Variants in RUNX1 observed in about 807,000 individuals in gnomAD.
The protein encoded by RUNX1 is runt-related transcription factor 1.
RUNX1 carries 19 observed loss-of-function variants against 42.8 expected under a neutral mutation model. The observed-to-expected ratio is 0.44, with a 90% CI of 0.31 to 0.65. The LOEUF is 0.65. Ranked by LOEUF, RUNX1 falls within the 30% of genes least tolerant of loss-of-function variation. The pLI, the probability that RUNX1 is intolerant of heterozygous loss-of-function variation, is 0.07. For missense variants in RUNX1, 528 were observed against 672.0 expected (o/e 0.79, Z 2.37); for synonymous variants, 271 against 289.4 (o/e 0.94, Z 0.64).
At chr21:34,889,338 G>C (rs1049683600) in intron 3 of RUNX1, among the ~76,000 whole-genome samples, 10 of 152,136 alleles carry the variant, frequency 6.6e-5, no homozygotes, top group Admixed American at 3.3e-4. Context: ...GCGTCCGCGC[G>C]TGCCGTTTGC....
intron 2 of RUNX1, among the ~76,000 whole-genome samples, chr21:35,017,938 A>G (rs1203217010): frequency 6.6e-6 from 1 of 152,236 alleles, no homozygotes; most frequent in Non-Finnish European, 1.5e-5. Flanking sequence ...CACCCCAGAT[A>G]TTAAATCAAT....
intron 2 of RUNX1, among the ~76,000 whole-genome samples, chr21:34,985,083 T>A (rs1433299847): frequency 1.3e-5 from 2 of 152,216 alleles, no homozygotes; most frequent in Non-Finnish European, 2.9e-5. Flanking sequence ...GTGATTCCAA[T>A]AATACTTAGA....
chr21:34,939,544 A>T (rs1455548346), intron 2 of RUNX1, among the ~76,000 whole-genome samples: 1 of 152,172 alleles, frequency 6.6e-6, no homozygotes, highest in Admixed American at 6.5e-5. Context: ...TGAGAGAAGA[A>T]AGAGGGGCCC....
intron 4 of RUNX1, among the ~76,000 whole-genome samples, chr21:34,883,711 C>G (rs1188656472): frequency 6.6e-6 from 1 of 152,208 alleles, no homozygotes; most frequent in African/African-American, 2.4e-5. Context: ...AATATCAACT[C>G]TCTTCTATAT....
chr21:34,954,514 C>T (rs1009972973), intron 2 of RUNX1, among the ~76,000 whole-genome samples: 5 of 152,124 alleles, frequency 3.3e-5, no homozygotes, highest in Admixed American at 1.3e-4. Flanking sequence ...CCTGACTTCT[C>T]CCTCTGGTGT....
chr21:34,960,785 ATG>A (rs2058676391), intron 2 of RUNX1, among the ~76,000 whole-genome samples: 1 of 152,186 alleles, frequency 6.6e-6, no homozygotes, highest in South Asian at 2.1e-4. Flanking sequence ...TTAGTGTTTA[ATG>A]TGTGTGTCTG....
At position 34,993,766 on chromosome 21, in the gene RUNX1, C is replaced by T. The variant is rs553955593; in HGVS notation, c.58+55076G>A. Among the ~76,000 whole-genome samples, 26 of 94,830 alleles carry T rather than the reference C, an allele frequency of 2.7e-4. 1 individual carries two copies. The highest frequency in any genetic ancestry group is 2.1e-3 in the South Asian group (7 of 3,274). 62.2% of individuals were successfully genotyped at this position (94,830 alleles called of 152,430 possible). On this transcript the variant is annotated intron_variant, in intron 2 of 8. Transcript: ENST00000675419. ...AGACACACACACAGACACACACAGG[C>T]GCACACACACAGACACACACACACA...
intron 2 of RUNX1, among the ~76,000 whole-genome samples, chr21:34,965,237 G>A (rs897101174): frequency 4.0e-5 from 4 of 99,294 alleles, no homozygotes; most frequent in African/African-American, 1.2e-4. Context: ...CCAACACACT[G>A]CCATGCACAT....
At chr21:35,040,785 A>AC (rs1426908938) in intron 2 of RUNX1, among the ~76,000 whole-genome samples, 1 of 150,902 alleles carries the variant, frequency 6.6e-6, no homozygotes, top group African/African-American at 2.4e-5. Flanking sequence ...AAAAAAAAAA[A>AC]AAAAAAAAAC....
At chr21:35,047,514 AACACACACACACAC>A (rs145398828) in intron 2 of RUNX1, among the ~76,000 whole-genome samples, 971 of 70,544 alleles carry the variant, frequency 0.014, 35 homozygotes, top group African/African-American at 0.039. Context: ...TGCCATCTCC[AACACACACACACAC>A]ACACACACAC....
chr21:35,013,392 G>A (rs1434907788), intron 2 of RUNX1, among the ~76,000 whole-genome samples: 1 of 152,170 alleles, frequency 6.6e-6, no homozygotes, highest in Non-Finnish European at 1.5e-5. Context: ...TATCAACTGA[G>A]TTTATTCATT....
At chr21:34,840,802 C>T (rs2057223474) in intron 6 of RUNX1, among the ~76,000 whole-genome samples, 1 of 152,190 alleles carries the variant, frequency 6.6e-6, no homozygotes, top group Non-Finnish European at 1.5e-5. Flanking sequence ...CCAGCTGTTT[C>T]ATCAGTGACC....
intron 2 of RUNX1, among the ~76,000 whole-genome samples, chr21:35,008,415 C>T (rs928494041): frequency 1.3e-5 from 2 of 152,188 alleles, no homozygotes; most frequent in Non-Finnish European, 2.9e-5. Context: ...GTGTTCAATA[C>T]GTGAGGGTGA....
chr21:34,881,870 T>C (rs2057910554), intron 4 of RUNX1, among the ~76,000 whole-genome samples: 1 of 152,202 alleles, frequency 6.6e-6, no homozygotes, highest in Non-Finnish European at 1.5e-5. Flanking sequence ...ATTGGCTGTA[T>C]TTCCTTTGTT....
chr21:34,830,425 C>T (rs1238224630), intron 7 of RUNX1, among the ~76,000 whole-genome samples: 1 of 152,182 alleles, frequency 6.6e-6, no homozygotes, highest in Non-Finnish European at 1.5e-5. Flanking sequence ...CACAGCCTGG[C>T]CCCAAAATTC....
chr21:34,846,192 G>A (rs1450417142), intron 6 of RUNX1, among the ~76,000 whole-genome samples: 1 of 105,758 alleles, frequency 9.5e-6, no homozygotes, highest in Non-Finnish European at 2.2e-5. Flanking sequence ...GTTTAAGGAT[G>A]TCTTTTTTTT....
intron 2 of RUNX1, among the ~76,000 whole-genome samples, chr21:34,935,137 A>T (rs567973308): frequency 1.2e-4 from 18 of 152,336 alleles, no homozygotes; most frequent in African/African-American, 4.1e-4. Flanking sequence ...ATACACTTCT[A>T]TAATGAAAAT....
intron 2 of RUNX1, among the ~76,000 whole-genome samples, chr21:34,939,183 CA>C (rs1285379986): frequency 1.3e-5 from 2 of 152,120 alleles, no homozygotes; most frequent in Non-Finnish European, 1.5e-5. Context: ...TTAGATTTTC[CA>C]CAAAAAATTA....
chr21:34,886,732 G>A, intron 4 of RUNX1, 111 bp downstream of exon 4: 1 of 1,536,432 alleles, frequency 6.5e-7, no homozygotes, highest in Non-Finnish European at 8.9e-7. Flanking sequence ...CCGGGGCTGC[G>A]GGGGCCCCTT....
Sources: allele counts gnomAD v4.1 joint callset (sites outside exome capture counted in the v4.1 genomes callset), GRCh38; gene constraint gnomAD v4.1.1; transcripts MANE v1.5; gene names NCBI Gene and HGNC (gene_info 2026-07-23, HGNC 2026-07-21).